AKAP13: variants seen among roughly 807,000 people sequenced by gnomAD.
AKAP13 encodes A-kinase anchoring protein 13, also known as A-kinase anchor protein 13.
A neutral mutation model predicts 264.5 loss-of-function variants in AKAP13; 80 were observed. The ratio of observed to expected loss-of-function variants is 0.30; its 90% CI spans 0.25 to 0.36. AKAP13 has a LOEUF of 0.36. AKAP13 is among the 10% of genes least tolerant of loss of function. The probability of loss-of-function intolerance (pLI) is 1.00; values close to 1 mark genes in which losing one functional copy is unlikely to be tolerated. For missense variants in AKAP13, 3,712 were observed against 3,435.2 expected (o/e 1.08, Z -2.01); for synonymous variants, 1,380 against 1,250.2 (o/e 1.10, Z -2.19).
chr15:85,406,497 T>C (rs1432635361), intron 1 of AKAP13, among the ~76,000 whole-genome samples: 1 of 149,880 alleles, frequency 6.7e-6, no homozygotes, highest in East Asian at 2.0e-4. Flanking sequence ...GCTGGACACA[T>C]ATGTGTCCAG....
intron 15 of AKAP13, chr15:85,683,657 G>C (rs1006270769): frequency 6.6e-6 from 1 of 152,182 alleles, no homozygotes; most frequent in African/African-American, 2.4e-5. Flanking sequence ...TTTTAGTAGA[G>C]ACGGGGTTTC....
intron 23 of AKAP13, among the ~76,000 whole-genome samples, chr15:85,720,058 C>G (rs1166535472): frequency 6.6e-6 from 1 of 152,054 alleles, no homozygotes; most frequent in East Asian, 1.9e-4. Context: ...GTACCAAGAG[C>G]TGTCTCTACA....
chr15:85,644,693 C>CAAAAAAAAAAAAAA (rs1161365911), intron 9 of AKAP13, among the ~76,000 whole-genome samples: 12 of 103,880 alleles, frequency 1.2e-4, no homozygotes, highest in Admixed American at 2.2e-4. Context: ...ACTAAAAATA[C>CAAAAAAAAAAAAAA]AAAAAAAAAA....
chr15:85,421,187 A>G (rs1325494716), intron 1 of AKAP13, among the ~76,000 whole-genome samples: 1 of 152,238 alleles, frequency 6.6e-6, no homozygotes, highest in South Asian at 2.1e-4. Flanking sequence ...TCCAAGGCAC[A>G]TATAATTAGA....
intron 14 of AKAP13, among the ~76,000 whole-genome samples, 156 bp downstream of exon 14, chr15:85,669,986 T>C (rs1196325415): frequency 6.6e-6 from 1 of 152,232 alleles, no homozygotes; most frequent in Non-Finnish European, 1.5e-5. Context: ...AAAGGTGGCA[T>C]AGAGTTTATC....
At chr15:85,677,111 CT>C in intron 14 of AKAP13, 2 of 985,444 alleles carry the variant, frequency 2.0e-6, no homozygotes, top group South Asian at 9.4e-5. Flanking sequence ...AAGTAAGCAA[CT>C]TTGGTGTCCA....
chr15:85,579,093 G>T lies in AKAP13; in HGVS notation c.1025G>T (p.Cys342Phe). Residue 342 changes from cysteine to phenylalanine, a missense_variant, in exon 7 of 37, where the codon TGC becomes TTC. Cys to Phe is a radical substitution (Grantham distance 205). Coordinates refer to ENST00000394518, the MANE Select transcript of AKAP13 (RefSeq NM_007200.5). ...GAAGAGACTGAGAGCACTCAGTGCT[G>T]CCCAGGGAGCCCTGTTGCACAGACT... ...SSEETESTQC[C>F]PGSPVAQTES... 1.2e-6 allele frequency: 2 copies of T among 1,614,178 alleles called. No individual in the cohort carries two copies. Among genetic ancestry groups the T allele is most frequent in the African/African-American group, 1.3e-5 (1 of 75,040 alleles).
At chr15:85,399,502 C>CAAAAAAAAAAAAAAAAAAAAA (rs71138392) in intron 1 of AKAP13, among the ~76,000 whole-genome samples, 1 of 77,078 alleles carries the variant, frequency 1.3e-5, no homozygotes, top group African/African-American at 6.0e-5. Context: ...GACTCCGTCT[C>CAAAAAAAAAAAAAAAAAAAAA]AAAAAAAAAA....
At chr15:85,663,302 T>G (rs1385997598) in intron 12 of AKAP13, among the ~76,000 whole-genome samples, 1 of 126,448 alleles carries the variant, frequency 7.9e-6, no homozygotes, top group Non-Finnish European at 1.7e-5. Context: ...AGAGGGAGGC[T>G]CTGTCTCAAA....
At position 85,717,380 on chromosome 15, in the gene AKAP13, A is replaced by G; in HGVS notation, c.5826A>G (p.Ser1942=). 1 of 1,612,996 alleles carries G rather than the reference A, an allele frequency of 6.2e-7. No individual in the cohort carries two copies. Among genetic ancestry groups the G allele is most frequent in the East Asian group, 2.2e-5 (1 of 44,854 alleles). The stretch of plus-strand genomic sequence containing the variant: ...ATAAAATCAGCAAGGTCAATGAGTC[A>G]ACAGAATCACTTACTGATGAGGGTA... The part of the protein sequence containing the change: ...SLNKISKVNE[S]TESLTDEGVG... The change falls in exon 21 of 37, where the codon TCA becomes TCG. Residue 1942 remains serine, a synonymous_variant. Coordinates refer to ENST00000394518, the MANE Select transcript of AKAP13 (RefSeq NM_007200.5).
chr15:85,626,698 G>C (rs960342493), intron 8 of AKAP13, among the ~76,000 whole-genome samples: 13 of 152,172 alleles, frequency 8.5e-5, no homozygotes, highest in African/African-American at 3.1e-4. Flanking sequence ...ATGCTGTTAT[G>C]AGCATTGGTA....
chr15:85,448,863 T>C (rs1431735276), intron 1 of AKAP13, among the ~76,000 whole-genome samples: 1 of 151,160 alleles, frequency 6.6e-6, no homozygotes, highest in South Asian at 2.1e-4. Flanking sequence ...TTTTTTTTTT[T>C]CTGAAAAGAA....
At chr15:85,734,092 C>T (rs556063274) in intron 30 of AKAP13, among the ~76,000 whole-genome samples, 1 of 151,924 alleles carries the variant, frequency 6.6e-6, no homozygotes, top group African/African-American at 2.4e-5. Context: ...CTCGGCCTCC[C>T]GAAGTGCTGG....
chr15:85,411,418 G>A (rs578229279), intron 1 of AKAP13, among the ~76,000 whole-genome samples: 1 of 152,304 alleles, frequency 6.6e-6, no homozygotes, highest in East Asian at 1.9e-4. Flanking sequence ...AAGCTCTCGT[G>A]TGATGGACAT....
intron 1 of AKAP13, among the ~76,000 whole-genome samples, chr15:85,381,523 T>TG (rs1256424815): frequency 8.7e-5 from 8 of 92,468 alleles, no homozygotes; most frequent in African/African-American, 2.2e-4. Flanking sequence ...GTTTACTGCT[T>TG]TTTTTTTTTT....
intron 27 of AKAP13, 53 bp downstream of exon 27, chr15:85,726,539 T>C (rs530665898): frequency 1.4e-5 from 20 of 1,479,426 alleles, no homozygotes; most frequent in East Asian, 6.8e-5. Flanking sequence ...AGTTTAGTTA[T>C]GGAATGTAAG....
At chr15:85,701,295 G>A (rs190230858) in intron 17 of AKAP13, 4 of 152,028 alleles carry the variant, frequency 2.6e-5, no homozygotes, top group South Asian at 2.1e-4. Flanking sequence ...GAAGTCTGTC[G>A]GTGGGGACAG....
At chr15:85,723,359 T>C in intron 26 of AKAP13, 39 bp downstream of exon 26, 1 of 1,590,400 alleles carries the variant, frequency 6.3e-7, no homozygotes, top group African/African-American at 1.4e-5. Context: ...TGTGCCCAGG[T>C]AAAACAGGCA....
Position 85,381,164 on chromosome 15 carries a change from G to C in AKAP13, c.-12+366G>C, listed in dbSNP as rs376637393. ...GCGAGGCCCCGAATCCTTGCCCCGG[G>C]TCCCCGGGTCGGCGCCGCCGGGGCG... On this transcript the variant is annotated intron_variant, in intron 1 of 36. Transcript: ENST00000394518. 1.4e-4 allele frequency among the ~76,000 whole-genome samples: 22 copies of C among 152,224 alleles called. No homozygotes were observed. In the East Asian group the frequency reaches 3.5e-3, roughly 24 times the overall value.
Sources: allele counts gnomAD v4.1 joint callset (sites outside exome capture counted in the v4.1 genomes callset), GRCh38; gene constraint gnomAD v4.1.1; transcripts MANE v1.5; gene names NCBI Gene and HGNC (gene_info 2026-07-23, HGNC 2026-07-21).